FNDC3A: variants seen among roughly 807,000 people sequenced by gnomAD.
FNDC3A encodes the protein fibronectin type-III domain-containing protein 3A.
A neutral mutation model predicts 148.9 loss-of-function variants in FNDC3A; 32 were observed. The ratio of observed to expected loss-of-function variants is 0.21; its 90% confidence interval spans 0.16 to 0.29. The LOEUF is 0.29. FNDC3A is among the 10% of genes least tolerant of loss of function. The pLI is 1.00. For missense variants in FNDC3A, 1,191 were observed against 1,452.8 expected, an observed-to-expected ratio of 0.82 and a Z score of 2.93; for synonymous variants, 472 against 473.6, an observed-to-expected ratio of 1.00 and a Z score of 0.04.
chr13:49,161,994 T>C (rs567852108), intron 8 of FNDC3A, among the ~76,000 whole-genome samples: 18 of 152,332 alleles, frequency 1.2e-4, no homozygotes, highest in Admixed American at 9.8e-4. Flanking sequence ...TCTGATGGGC[T>C]TCCCTTTGTG....
At chr13:49,015,074 C>T (rs372669614) in intron 2 of FNDC3A, among the ~76,000 whole-genome samples, 27 of 152,240 alleles carry the variant, frequency 1.8e-4, no homozygotes, top group East Asian at 1.2e-3. Context: ...ATTGACTTGG[C>T]GATGCGGTCT....
chr13:49,010,198 A>G (rs1270517397), intron 2 of FNDC3A, among the ~76,000 whole-genome samples: 2 of 152,134 alleles, frequency 1.3e-5, no homozygotes, highest in Non-Finnish European at 2.9e-5. Flanking sequence ...ATAGTGTTGG[A>G]TTGGCTAGTT....
At chr13:49,101,410 T>C (rs553190022) in intron 3 of FNDC3A, among the ~76,000 whole-genome samples, 1 of 152,184 alleles carries the variant, frequency 6.6e-6, no homozygotes, top group East Asian at 1.9e-4. Flanking sequence ...TTTTGAAATA[T>C]CAGATAAAAA....
intron 4 of FNDC3A, among the ~76,000 whole-genome samples, chr13:49,130,046 C>T (rs1296263607): frequency 6.6e-6 from 1 of 151,934 alleles, no homozygotes; most frequent in African/African-American, 2.4e-5. Flanking sequence ...TAATAATTAC[C>T]ATATAAGTCT....
chr13:49,094,402 TTCAG>T, intron 3 of FNDC3A, among the ~76,000 whole-genome samples: 1 of 152,216 alleles, frequency 6.6e-6, no homozygotes, highest in South Asian at 2.1e-4. Context: ...CTGAAAATAA[TTCAG>T]TCTTTCAGTG....
At chr13:49,197,933 A>G in intron 21 of FNDC3A, 49 bp from the exon 22 acceptor site, 2 of 1,590,018 alleles carry the variant, frequency 1.3e-6, no homozygotes, top group South Asian at 2.3e-5. Context: ...TTTCATTGGC[A>G]TTTTCATGGT....
At chr13:49,204,920 A>G (rs1472782059) in intron 25 of FNDC3A, among the ~76,000 whole-genome samples, 1 of 152,202 alleles carries the variant, frequency 6.6e-6, no homozygotes, top group Non-Finnish European at 1.5e-5. Flanking sequence ...AGACACCAAT[A>G]TCATCTTGGT....
chr13:49,043,205 A>G (rs989215860), intron 2 of FNDC3A, among the ~76,000 whole-genome samples: 7 of 151,646 alleles, frequency 4.6e-5, no homozygotes, highest in African/African-American at 1.5e-4. Context: ...GGCTCAAGGT[A>G]TCCTCCCATC....
intron 8 of FNDC3A, among the ~76,000 whole-genome samples, chr13:49,160,430 T>C (rs1049199632): frequency 6.6e-6 from 1 of 152,230 alleles, no homozygotes; most frequent in Non-Finnish European, 1.5e-5. Context: ...TATTCTCTGA[T>C]GGTAGTTTGT....
chr13:49,151,355 T>A (rs1407793467), intron 8 of FNDC3A, among the ~76,000 whole-genome samples: 1 of 152,194 alleles, frequency 6.6e-6, no homozygotes, highest in African/African-American at 2.4e-5. Context: ...CTCTTTTTAC[T>A]GTTTTTGACA....
chr13:49,160,542 A>T (rs970640421), intron 8 of FNDC3A, among the ~76,000 whole-genome samples: 18 of 151,268 alleles, frequency 1.2e-4, no homozygotes, highest in African/African-American at 2.7e-4. Flanking sequence ...GCGGTCTATC[A>T]ATTTTGTTGA....
intron 2 of FNDC3A, among the ~76,000 whole-genome samples, chr13:49,042,556 G>A (rs1875018817): frequency 6.6e-6 from 1 of 152,016 alleles, no homozygotes; most frequent in Non-Finnish European, 1.5e-5. Flanking sequence ...TGAGAGGATC[G>A]CTAGAGCCCA....
At chr13:49,109,189 C>A (rs1381759093) in intron 3 of FNDC3A, among the ~76,000 whole-genome samples, 1 of 152,156 alleles carries the variant, frequency 6.6e-6, no homozygotes, top group Non-Finnish European at 1.5e-5. Context: ...GTACTCTGCA[C>A]TATGTGGTTA....
chr13:49,034,907 A>G (rs904237979), intron 2 of FNDC3A, among the ~76,000 whole-genome samples: 3 of 151,998 alleles, frequency 2.0e-5, no homozygotes, highest in South Asian at 2.1e-4. Flanking sequence ...GTAAAACACA[A>G]CTTTAAGCTA....
intron 4 of FNDC3A, among the ~76,000 whole-genome samples, chr13:49,123,741 T>C (rs1028846116): frequency 1.3e-5 from 2 of 151,302 alleles, no homozygotes; most frequent in East Asian, 1.9e-4. Flanking sequence ...AACAAACATA[T>C]GAAAAAAAGC....
intron 2 of FNDC3A, among the ~76,000 whole-genome samples, chr13:49,058,728 T>G (rs1422194972): frequency 6.6e-6 from 1 of 152,218 alleles, no homozygotes; most frequent in South Asian, 2.1e-4. Context: ...CCTGTAGTAT[T>G]TTGTTACGTC....
At chr13:49,053,289 T>A (rs1228768582) in intron 2 of FNDC3A, among the ~76,000 whole-genome samples, 1 of 152,224 alleles carries the variant, frequency 6.6e-6, no homozygotes, top group Non-Finnish European at 1.5e-5. Context: ...AAGCAAAAGT[T>A]TATGACATGA....
chr13:49,094,154 A>T (rs1391937961), intron 3 of FNDC3A, among the ~76,000 whole-genome samples: 1 of 152,120 alleles, frequency 6.6e-6, no homozygotes, highest in African/African-American at 2.4e-5. Context: ...ATATCATTTG[A>T]TTCTACTTTT....
intron 2 of FNDC3A, among the ~76,000 whole-genome samples, chr13:49,040,045 A>C (rs1001623902): frequency 5.3e-5 from 8 of 152,178 alleles, no homozygotes; most frequent in Non-Finnish European, 8.8e-5. Context: ...TTTTGTGTAC[A>C]TATTTTCATA....
Sources: allele counts gnomAD v4.1 joint callset (sites outside exome capture counted in the v4.1 genomes callset), GRCh38; gene constraint gnomAD v4.1.1; transcripts MANE v1.5; gene names NCBI Gene and HGNC (gene_info 2026-07-23, HGNC 2026-07-21).